Variants in PTPRM observed in about 807,000 individuals in gnomAD.
The protein encoded by PTPRM is protein tyrosine phosphatase receptor type M, also known as receptor-type tyrosine-protein phosphatase mu.
PTPRM carries 47 observed loss-of-function variants against 186.7 expected under a neutral mutation model. The ratio of observed to expected loss-of-function variants is 0.25; its 90% CI spans 0.20 to 0.32. The LOEUF (loss-of-function observed/expected upper bound fraction) is 0.32, where lower values mean the gene tolerates loss of function less well. Among genes scored for constraint, PTPRM ranks in the 10% least tolerant of loss-of-function variants. PTPRM has a pLI of 1.00. For missense variants in PTPRM, 1,494 were observed against 1,865.0 expected (o/e 0.80, Z 3.66); for synonymous variants, 668 against 674.9 (o/e 0.99, Z 0.16).
intron 1 of PTPRM, among the ~76,000 whole-genome samples, chr18:7,760,507 T>C (rs181596877): frequency 9.8e-5 from 15 of 152,320 alleles, no homozygotes; most frequent in African/African-American, 1.9e-4. Context: ...CCTCGTGGGC[T>C]GAGAGAGCCT....
At chr18:7,937,785 ATCATCAGCATTGTCG>A (rs2051918688) in intron 5 of PTPRM, among the ~76,000 whole-genome samples, 2 of 152,174 alleles carry the variant, frequency 1.3e-5, no homozygotes, top group South Asian at 4.1e-4. Flanking sequence ...TATTGTTGTC[ATCATCAGCATTGTCG>A]TCATCAGCTT....
intron 19 of PTPRM, among the ~76,000 whole-genome samples, chr18:8,274,848 C>G (rs763149360): frequency 1.3e-4 from 20 of 152,164 alleles, no homozygotes; most frequent in Admixed American, 8.5e-4. Flanking sequence ...CATAGTTAAT[C>G]AAGGAAGAAC....
At chr18:8,170,803 C>A (rs1471325239) in intron 14 of PTPRM, among the ~76,000 whole-genome samples, 2 of 152,102 alleles carry the variant, frequency 1.3e-5, no homozygotes, top group African/African-American at 2.4e-5. Flanking sequence ...CTCCCGATAG[C>A]CATCAAAGGT....
At chr18:8,012,697 A>G (rs894111547) in intron 7 of PTPRM, among the ~76,000 whole-genome samples, 1 of 152,168 alleles carries the variant, frequency 6.6e-6, no homozygotes, top group African/African-American at 2.4e-5. Context: ...AACAAGGTGT[A>G]CCATCTCATT....
intron 32 of PTPRM, among the ~76,000 whole-genome samples, chr18:8,395,881 T>C (rs1452182926): frequency 6.6e-6 from 1 of 152,224 alleles, no homozygotes; most frequent in African/African-American, 2.4e-5. Flanking sequence ...TCCCTTAGGT[T>C]TTAGTTTTGT....
intron 7 of PTPRM, among the ~76,000 whole-genome samples, chr18:7,997,989 A>G (rs2083642547): frequency 2.6e-5 from 4 of 152,206 alleles, no homozygotes; most frequent in Non-Finnish European, 5.9e-5. Flanking sequence ...AAAACTAAAA[A>G]TAGAACTACT....
chr18:8,265,069 A>G lies in PTPRM; in HGVS notation c.2754+11655A>G, dbSNP rs562656352. Among the ~76,000 whole-genome samples the G allele has an allele frequency of 4.6e-5, 7 of 152,330 alleles. No homozygotes were observed. In the East Asian group the frequency reaches 1.4e-3, roughly 29 times the overall value. ...TTGATGTGACTTGTGATTTCAAGGCAGGAATGTTAGTTTTCCTCTCTGCTG... is the reference window on the plus strand; with the variant it reads ...TTGATGTGACTTGTGATTTCAAGGCGGGAATGTTAGTTTTCCTCTCTGCTG... On this transcript the variant is annotated intron_variant, in intron 19 of 32. Coordinates refer to ENST00000580170, the MANE Select transcript of PTPRM (RefSeq NM_001105244.2).
chr18:8,347,804 TA>T lies in PTPRM; in HGVS notation c.3054+4295del, dbSNP rs533174567. Among the ~76,000 whole-genome samples the T allele has an allele frequency of 4.9e-4, 73 of 149,704 alleles. No homozygotes were observed. The Middle Eastern group carries it at 0.011, about 22-fold the overall frequency. ...ACCATTTCAGGTCTGGTAAGGTTAT[TA>T]AAAAAAAAAATTTCTTCCAAATCCT... is the stretch of plus-strand genomic sequence containing the variant. On this transcript the variant is annotated intron_variant, in intron 23 of 32. Transcript: ENST00000580170.
At chr18:8,253,992 T>C (rs1202864222) in intron 19 of PTPRM, among the ~76,000 whole-genome samples, 1 of 152,204 alleles carries the variant, frequency 6.6e-6, no homozygotes, top group Non-Finnish European at 1.5e-5. Flanking sequence ...TTGATCACCT[T>C]TCTTGGCTTT....
Position 8,284,590 on chromosome 18 carries a change from T to TA in PTPRM, c.2755-11768dup, listed in dbSNP as rs376336050. ...CCCTCTCCCTGCCTCTACTAAAAATTAAAAAAAAAATTAGCTAGGTATAGT... is the reference window on the plus strand; with the variant it reads ...CCCTCTCCCTGCCTCTACTAAAAATTAAAAAAAAAAATTAGCTAGGTATAGT... On this transcript the variant is annotated intron_variant, in intron 19 of 32. Coordinates refer to ENST00000580170, the MANE Select transcript of PTPRM (RefSeq NM_001105244.2). 5.5e-3 allele frequency among the ~76,000 whole-genome samples: 824 copies of TA among 149,830 alleles called. 9 individuals are homozygous for TA. Among genetic ancestry groups the TA allele is most frequent in the African/African-American group, 0.019 (755 of 40,796 alleles).
At chr18:8,070,106 C>T in intron 8 of PTPRM, 112 bp downstream of exon 8, 1 of 955,434 alleles carries the variant, frequency 1.0e-6, no homozygotes, top group Non-Finnish European at 1.5e-6. Context: ...TTTTGTTGAA[C>T]AACACAAATG....
At chr18:8,139,776 G>A (rs1216936057) in intron 13 of PTPRM, among the ~76,000 whole-genome samples, 1 of 148,804 alleles carries the variant, frequency 6.7e-6, no homozygotes, top group Non-Finnish European at 1.5e-5. Context: ...CCTAATAGCT[G>A]CCTTGCCTTC....
intron 2 of PTPRM, among the ~76,000 whole-genome samples, chr18:7,778,191 T>C (rs1321041680): frequency 6.6e-6 from 1 of 152,228 alleles, no homozygotes; most frequent in African/African-American, 2.4e-5. Context: ...TGGAGTTTTG[T>C]GCAAGCTGGC....
At chr18:8,077,704 G>A (rs898462353) in intron 9 of PTPRM, among the ~76,000 whole-genome samples, 2 of 151,904 alleles carry the variant, frequency 1.3e-5, no homozygotes, top group African/African-American at 4.8e-5. Context: ...TCTCAGTTTT[G>A]GGGGATTTTT....
At chr18:7,977,671 A>G (rs1030299554) in intron 7 of PTPRM, among the ~76,000 whole-genome samples, 10 of 152,156 alleles carry the variant, frequency 6.6e-5, no homozygotes, top group Non-Finnish European at 4.4e-5. Flanking sequence ...ATACAAACTG[A>G]CTTCATGTGT....
At chr18:8,055,504 G>A (rs910837216) in intron 7 of PTPRM, among the ~76,000 whole-genome samples, 1 of 152,040 alleles carries the variant, frequency 6.6e-6, no homozygotes, top group Non-Finnish European at 1.5e-5. Flanking sequence ...TACGTTAGCT[G>A]TTTTTAAAAT....
intron 10 of PTPRM, among the ~76,000 whole-genome samples, chr18:8,087,909 GTCT>G (rs2090514102): frequency 1.3e-5 from 2 of 152,062 alleles, no homozygotes; most frequent in African/African-American, 4.8e-5. Context: ...GTAATGATTT[GTCT>G]TGTCCGTAAT....
chr18:7,878,459 T>G (rs931272357), intron 2 of PTPRM, among the ~76,000 whole-genome samples: 1 of 152,188 alleles, frequency 6.6e-6, no homozygotes, highest in Non-Finnish European at 1.5e-5. Context: ...TTTGGCTTCT[T>G]CTTCAGGAAT....
At chr18:7,864,293 T>A (rs2047554672) in intron 2 of PTPRM, among the ~76,000 whole-genome samples, 1 of 152,246 alleles carries the variant, frequency 6.6e-6, no homozygotes, top group Non-Finnish European at 1.5e-5. Context: ...CTGAATGGTA[T>A]TGACTAGGTT....
Sources: allele counts gnomAD v4.1 joint callset (sites outside exome capture counted in the v4.1 genomes callset), GRCh38; gene constraint gnomAD v4.1.1; transcripts MANE v1.5; gene names NCBI Gene and HGNC (gene_info 2026-07-23, HGNC 2026-07-21).